The following RPS6KA2 variants were observed in gnomAD, a reference collection of about 807,000 sequenced individuals.
RPS6KA2 encodes ribosomal protein S6 kinase A2.
RPS6KA2 carries 42 observed loss-of-function variants against 91.8 expected under a neutral mutation model. That is an observed-to-expected ratio of 0.46 (90% CI 0.36 to 0.59). The LOEUF (loss-of-function observed/expected upper bound fraction) is 0.59. Among genes scored for constraint, RPS6KA2 ranks in the 20% least tolerant of loss-of-function variants. The pLI is 0.00. For missense variants in RPS6KA2, 798 were observed against 978.5 expected (o/e 0.82, Z 2.46); for synonymous variants, 414 against 393.6 (o/e 1.05, Z -0.61).
chr6:166,473,994 A>C (rs1003105654), intron 10 of RPS6KA2, among the ~76,000 whole-genome samples: 29 of 137,992 alleles, frequency 2.1e-4, no homozygotes, highest in African/African-American at 7.7e-4. Flanking sequence ...TCATGTTTAC[A>C]CCCTTTGTCA....
chr6:166,691,384 C>A (rs572875257), intron 2 of RPS6KA2, among the ~76,000 whole-genome samples: 1 of 152,218 alleles, frequency 6.6e-6, no homozygotes, highest in East Asian at 1.9e-4. Flanking sequence ...CAGCCTGAGA[C>A]CTGCCAGGCT....
Position 166,410,976 on chromosome 6 carries a change from T to C in RPS6KA2, c.*1786A>G, listed in dbSNP as rs1014725930. ...TAAGACCTAAAAAGCAAATTCATCA[T>C]GGTGGAAGTCGTTCTAGCCTTGGGA... On this transcript the variant is annotated 3_prime_UTR_variant, in exon 21 of 21. Transcript: ENST00000265678. The C allele has an allele frequency of 6.6e-6, 1 of 152,202 alleles. No individual in the cohort carries two copies. The highest frequency in any genetic ancestry group is 2.4e-5 in the African/African-American group (1 of 41,452). 9.4% of individuals were successfully genotyped at this position (152,202 alleles called of 1,614,324 possible).
At chr6:166,615,127 C>T (rs1303864092) in intron 1 of RPS6KA2, among the ~76,000 whole-genome samples, 3 of 152,130 alleles carry the variant, frequency 2.0e-5, no homozygotes, top group Non-Finnish European at 4.4e-5. Flanking sequence ...ATTGAAATCC[C>T]AGCAGGATGT....
intron 2 of RPS6KA2, among the ~76,000 whole-genome samples, chr6:166,731,689 A>T (rs1790524049): frequency 6.6e-6 from 1 of 150,560 alleles, no homozygotes; most frequent in Non-Finnish European, 1.5e-5. Context: ...GCCTTTTCCT[A>T]CACACAACCT....
Position 166,484,924 on chromosome 6 carries a change from G to A in RPS6KA2, c.907+3909C>T, listed in dbSNP as rs182912714. ...TTGACCTGCTTTGAAGTACTGTCAC[G>A]AGAATTCAAGTCAGATAATGACTAC... On this transcript the variant is annotated intron_variant, in intron 10 of 20. Coordinates refer to ENST00000265678, the MANE Select transcript of RPS6KA2 (RefSeq NM_021135.6). 3.9e-5 allele frequency among the ~76,000 whole-genome samples: 6 copies of A among 152,326 alleles called. No homozygotes were observed. In the East Asian group the frequency reaches 5.8e-4, roughly 15 times the overall value.
chr6:166,591,347 C>T (rs902300809), intron 1 of RPS6KA2, among the ~76,000 whole-genome samples: 1 of 152,188 alleles, frequency 6.6e-6, no homozygotes, highest in East Asian at 1.9e-4. Flanking sequence ...GTCCAAATGG[C>T]GCTCGGCATG....
Position 166,434,386 on chromosome 6 carries a change from A to G in RPS6KA2, c.1333-1896T>C, listed in dbSNP as rs1400122216. Among the ~76,000 whole-genome samples the G allele has an allele frequency of 6.6e-6, 1 of 152,124 alleles. No homozygotes were observed. Among genetic ancestry groups the G allele is most frequent in the Non-Finnish European group, 1.5e-5 (1 of 68,028 alleles). ...TAGCTAGGACACTAGGACTAATTCT[A>G]TTGCCAACATAAATGCATCATTCTC... On this transcript the variant is annotated intron_variant, in intron 14 of 20. Coordinates refer to ENST00000265678, the MANE Select transcript of RPS6KA2 (RefSeq NM_021135.6). This position sits in a 1 kb window ranked among gnomAD's most constrained non-coding sequence, Gnocchi z 4.4.
intron 1 of RPS6KA2, among the ~76,000 whole-genome samples, chr6:166,607,140 CAA>C (rs35281961): frequency 3.7e-4 from 36 of 97,836 alleles, no homozygotes; most frequent in African/African-American, 3.9e-4. Context: ...AAAACTCCGT[CAA>C]AAAAAAAAAA....
chr6:166,829,496 A>C (rs1307775436), intron 2 of RPS6KA2, among the ~76,000 whole-genome samples: 2 of 149,964 alleles, frequency 1.3e-5, no homozygotes, highest in Non-Finnish European at 3.0e-5. Context: ...GAGGCTAAGG[A>C]AGGAGAATGG....
intron 10 of RPS6KA2, among the ~76,000 whole-genome samples, chr6:166,484,183 G>C (rs1324206309): frequency 6.6e-6 from 1 of 152,242 alleles, no homozygotes; most frequent in Non-Finnish European, 1.5e-5. Flanking sequence ...TTCAGGGCAA[G>C]GAGCTTTTCA....
chr6:166,539,246 A>G (rs1300012770), intron 1 of RPS6KA2, among the ~76,000 whole-genome samples: 1 of 152,080 alleles, frequency 6.6e-6, no homozygotes, highest in Admixed American at 6.5e-5. Flanking sequence ...CAACTTGGTG[A>G]TGTGTGTGGT....
At chr6:166,642,528 CTAA>C (rs1241551627) in intron 2 of RPS6KA2, among the ~76,000 whole-genome samples, 1 of 152,204 alleles carries the variant, frequency 6.6e-6, no homozygotes, top group Non-Finnish European at 1.5e-5. Context: ...TTAAAACCTT[CTAA>C]TGTTTTCATA....
chr6:166,748,230 G>A (rs912083683), intron 2 of RPS6KA2, among the ~76,000 whole-genome samples: 1 of 152,186 alleles, frequency 6.6e-6, no homozygotes, highest in African/African-American at 2.4e-5. Context: ...GTCTTCAGGA[G>A]GGCGGGATGA....
rs558138628 is a variant in RPS6KA2, at chr6:166,500,766, G to A, written c.604+121C>T. 1 of 898,632 alleles carries A rather than the reference G, an allele frequency of 1.1e-6. No individual in the cohort carries two copies. The highest frequency in any genetic ancestry group is 1.5e-5 in the South Asian group (1 of 68,538). The allele number at this position is 898,632 out of a possible 1,614,324, so 55.7% of individuals were successfully genotyped here. A position where few individuals can be genotyped will look rare whatever the true frequency, so the allele number is the denominator to read the frequency against. On this transcript the variant is annotated intron_variant, in intron 7 of 20. Coordinates refer to ENST00000265678, the MANE Select transcript of RPS6KA2 (RefSeq NM_021135.6). This position sits in a 1 kb window ranked among gnomAD's most constrained non-coding sequence, Gnocchi z 4.3. The stretch of plus-strand genomic sequence containing the variant: ...AGCTATAGAAAATTCTGCCAAATCA[G>A]AGACAAGCATCTGGCAAAGGGAAGG...
intron 3 of RPS6KA2, among the ~76,000 whole-genome samples, chr6:166,523,089 T>A (rs1782914230): frequency 6.6e-6 from 1 of 152,214 alleles, no homozygotes; most frequent in Non-Finnish European, 1.5e-5. Flanking sequence ...TTTTTGAATA[T>A]CTGTAATTCA....
intron 1 of RPS6KA2, among the ~76,000 whole-genome samples, chr6:166,622,212 G>T (rs991980940): frequency 6.6e-6 from 1 of 151,940 alleles, no homozygotes. Flanking sequence ...TTTTCACATC[G>T]TTTAAAAAAA....
At chr6:166,672,000 C>T (rs1365861039) in intron 2 of RPS6KA2, among the ~76,000 whole-genome samples, 1 of 152,204 alleles carries the variant, frequency 6.6e-6, no homozygotes, top group East Asian at 1.9e-4. Flanking sequence ...CCAGGCGTGT[C>T]TCCACCTAGT....
At chr6:166,855,327 T>C (rs1267911268) in intron 2 of RPS6KA2, among the ~76,000 whole-genome samples, 2 of 110,748 alleles carry the variant, frequency 1.8e-5, no homozygotes, top group Non-Finnish European at 4.3e-5. Flanking sequence ...CCTAAATCTA[T>C]TAAAAGACGA....
intron 1 of RPS6KA2, among the ~76,000 whole-genome samples, chr6:166,550,823 A>C (rs1783987840): frequency 6.6e-6 from 1 of 151,984 alleles, no homozygotes; most frequent in Non-Finnish European, 1.5e-5. Context: ...TAACACGGTG[A>C]AACCCCGTCT....
Sources: gnomAD v4.1 joint callset for allele counts (sites outside exome capture counted in the v4.1 genomes callset) on GRCh38, gnomAD v4.1.1 for gene constraint, Gnocchi (gnomAD v3.1) non-coding constraint, MANE v1.5 for transcripts, NCBI Gene and HGNC (gene_info 2026-07-23, HGNC 2026-07-21) for gene names.